Variants in GLIS1 observed in about 807,000 individuals in gnomAD.
GLIS1 encodes GLIS family zinc finger 1.
A neutral mutation model predicts 63.8 loss-of-function variants in GLIS1; 24 were observed. That is an observed-to-expected ratio of 0.38 (90% CI 0.27 to 0.53). GLIS1 has a LOEUF of 0.53. GLIS1 is among the 20% of genes least tolerant of loss of function. The pLI is 0.85. For synonymous variants in GLIS1, 450 were observed against 482.5 expected, an observed-to-expected ratio of 0.93 and a Z score of 0.88; for missense variants, 1,036 against 1,074.1, an observed-to-expected ratio of 0.96 and a Z score of 0.50.
In GLIS1 at chr1:53,738,073, G is replaced by C; in HGVS notation, c.-9C>G. 1 of 1,230,298 alleles carries C rather than the reference G, an allele frequency of 8.1e-7. No individual in the cohort carries two copies. The highest frequency in any genetic ancestry group is 1.0e-6 in the Non-Finnish European group (1 of 986,984). 76.2% of individuals were successfully genotyped at this position (1,230,298 alleles called of 1,614,324 possible). A position where few individuals can be genotyped will look rare whatever the true frequency, so the allele number is the denominator to read the frequency against. Reference sequence around the variant, plus strand: ...GCCACCTCGCAATGCATGGCGCCGGGGCGGGGCGCACGGCTGGGGGTCGCG... The same window carrying C: ...GCCACCTCGCAATGCATGGCGCCGGCGCGGGGCGCACGGCTGGGGGTCGCG... On this transcript the variant is annotated 5_prime_UTR_variant, in exon 2 of 11. Transcript: ENST00000628545.
intron 2 of GLIS1, among the ~76,000 whole-genome samples, chr1:53,695,627 G>A (rs894000402): frequency 6.6e-6 from 1 of 152,158 alleles, no homozygotes; most frequent in Non-Finnish European, 1.5e-5. Context: ...GTCCTGGGAG[G>A]CCCCAGGTCC....
At chr1:53,711,977 G>C (rs1248643676) in intron 2 of GLIS1, among the ~76,000 whole-genome samples, 2 of 152,218 alleles carry the variant, frequency 1.3e-5, no homozygotes. Context: ...GTTCTGAGAA[G>C]GAGCAGGCAA....
chr1:53,519,005 C>T (rs188418350), intron 7 of GLIS1, among the ~76,000 whole-genome samples: 2 of 152,346 alleles, frequency 1.3e-5, no homozygotes, highest in Admixed American at 1.3e-4. Flanking sequence ...GCCCTGGGGG[C>T]AGCACTGCTC....
intron 2 of GLIS1, among the ~76,000 whole-genome samples, chr1:53,669,644 T>A (rs1173151954): frequency 3.3e-5 from 5 of 152,174 alleles, no homozygotes. Flanking sequence ...CCTGTGGACC[T>A]TATAGGCTGC....
chr1:53,555,861 A>ATG (rs1644814966), intron 4 of GLIS1, among the ~76,000 whole-genome samples: 2 of 92,242 alleles, frequency 2.2e-5, no homozygotes, highest in African/African-American at 4.3e-5. Context: ...TACTGTAGGT[A>ATG]TGTGTGTGCA....
intron 2 of GLIS1, among the ~76,000 whole-genome samples, chr1:53,609,514 C>T (rs1360976820): frequency 6.6e-6 from 1 of 152,188 alleles, no homozygotes; most frequent in Admixed American, 6.5e-5. Context: ...CATGATCCAC[C>T]TGCCTTGGCC....
chr1:53,556,551 GCA>G (rs1644831193), intron 4 of GLIS1, among the ~76,000 whole-genome samples: 1 of 131,876 alleles, frequency 7.6e-6, no homozygotes. Flanking sequence ...GTGTGTGTGT[GCA>G]GGTGTACTGC....
At chr1:53,521,774 G>A (rs1165516827) in intron 6 of GLIS1, among the ~76,000 whole-genome samples, 3 of 152,256 alleles carry the variant, frequency 2.0e-5, no homozygotes, top group African/African-American at 7.2e-5. Context: ...TCCCCAGACA[G>A]TCACCTCAGA....
chr1:53,688,721 T>C (rs1185011719), intron 2 of GLIS1: 1 of 152,202 alleles, frequency 6.6e-6, no homozygotes, highest in Middle Eastern at 3.2e-3. Context: ...GCTAAATAAG[T>C]AGTTTTTAAA....
intron 2 of GLIS1, among the ~76,000 whole-genome samples, chr1:53,631,347 T>C (rs575825155): frequency 2.0e-5 from 3 of 152,336 alleles, no homozygotes; most frequent in Non-Finnish European, 4.4e-5. Flanking sequence ...TTCCCCCAAA[T>C]AGTTAACCAA....
chr1:53,723,015 C>T (rs1646771688), intron 2 of GLIS1, among the ~76,000 whole-genome samples: 1 of 151,000 alleles, frequency 6.6e-6, no homozygotes, highest in African/African-American at 2.4e-5. Flanking sequence ...TGCCTGTAAT[C>T]CCAGCTACTC....
chr1:53,607,217 T>C (rs149249772), intron 2 of GLIS1, among the ~76,000 whole-genome samples: 13 of 152,388 alleles, frequency 8.5e-5, no homozygotes, highest in African/African-American at 3.1e-4. Flanking sequence ...CAGTATTTTC[T>C]ATGCATCTAT....
At chr1:53,737,748 G>A in intron 2 of GLIS1, 58 bp downstream of exon 2, 6 of 1,228,662 alleles carry the variant, frequency 4.9e-6, no homozygotes, top group Non-Finnish European at 6.1e-6. Context: ...CGGTGGCGAC[G>A]CCGGGCAGCC....
chr1:53,589,410 G>A (rs955658319), intron 4 of GLIS1, among the ~76,000 whole-genome samples: 3 of 152,206 alleles, frequency 2.0e-5, no homozygotes, highest in African/African-American at 7.2e-5. Flanking sequence ...GGCTGGCGGA[G>A]GGGGGTAAAG....
At chr1:53,543,274 G>A (rs753484008) in intron 4 of GLIS1, among the ~76,000 whole-genome samples, 41 of 151,164 alleles carry the variant, frequency 2.7e-4, no homozygotes, top group African/African-American at 7.7e-4. Flanking sequence ...ACGTGGACAC[G>A]GGAAAAGCGA....
At chr1:53,593,724 T>C (rs1645216175) in intron 4 of GLIS1, among the ~76,000 whole-genome samples, 1 of 152,206 alleles carries the variant, frequency 6.6e-6, no homozygotes, top group African/African-American at 2.4e-5. Flanking sequence ...GAGGAGAGTA[T>C]GTTCTCCACA....
At chr1:53,686,049 G>A (rs1646333247) in intron 2 of GLIS1, among the ~76,000 whole-genome samples, 1 of 151,942 alleles carries the variant, frequency 6.6e-6, no homozygotes, top group Non-Finnish European at 1.5e-5. Context: ...CTGCTCACTG[G>A]CCCCTCTCCA....
intron 2 of GLIS1, among the ~76,000 whole-genome samples, chr1:53,626,323 C>T (rs1421177240): frequency 4.6e-5 from 7 of 152,178 alleles, no homozygotes; most frequent in Non-Finnish European, 8.8e-5. Context: ...CCCCTCCCTC[C>T]GGTCTTGCCA....
At chr1:53,661,242 C>G (rs1000588532) in intron 2 of GLIS1, among the ~76,000 whole-genome samples, 1 of 151,920 alleles carries the variant, frequency 6.6e-6, no homozygotes, top group Non-Finnish European at 1.5e-5. Flanking sequence ...CTCACCCAGT[C>G]GAGACAGTCA....
Sources: gnomAD v4.1 joint callset for allele counts (sites outside exome capture counted in the v4.1 genomes callset) on GRCh38, gnomAD v4.1.1 for gene constraint, MANE v1.5 for transcripts, NCBI Gene and HGNC (gene_info 2026-07-23, HGNC 2026-07-21) for gene names.